Variants in LCLAT1 observed in about 807,000 individuals in gnomAD.
The protein encoded by LCLAT1 is lysocardiolipin acyltransferase 1, also known as 1-AGP acyltransferase 8.
LCLAT1 carries 11 observed loss-of-function variants against 30.7 expected under a neutral mutation model. The ratio of observed to expected loss-of-function variants is 0.36; its 90% CI spans 0.23 to 0.59. LCLAT1 has a LOEUF of 0.59. Ranked by LOEUF, LCLAT1 falls within the 20% of genes least tolerant of loss-of-function variation. LCLAT1 has a pLI of 0.77. For synonymous variants in LCLAT1, 155 were observed against 151.3 expected (o/e 1.02, Z -0.18); for missense variants, 402 against 458.6 (o/e 0.88, Z 1.13).
At chr2:30,624,806 C>A (rs1170462266) in intron 5 of LCLAT1, among the ~76,000 whole-genome samples, 4 of 152,116 alleles carry the variant, frequency 2.6e-5, no homozygotes, top group African/African-American at 9.7e-5. Context: ...CCAACAACTG[C>A]AGAATATACA....
chr2:30,499,239 G>GT (rs1480826772), intron 1 of LCLAT1, among the ~76,000 whole-genome samples: 5 of 152,276 alleles, frequency 3.3e-5, no homozygotes, highest in African/African-American at 1.2e-4. Flanking sequence ...GAGTGAAGTG[G>GT]TGCAGTCTCA....
In LCLAT1 at chr2:30,449,554, G is replaced by A. The variant is rs559147704; in HGVS notation, c.-5+2171G>A. On this transcript the variant is annotated intron_variant, in intron 1 of 5. Transcript: ENST00000379509. ...TCGCTCTTGTTGCCAGGGCTGGAGT[G>A]CAATGGCACGATCTCGGCTCACCAC... is the stretch of plus-strand genomic sequence containing the variant. 3.0e-3 allele frequency among the ~76,000 whole-genome samples: 456 copies of A among 150,910 alleles called. 2 individuals carry two copies. Among genetic ancestry groups the A allele is most frequent in the African/African-American group, 0.011 (444 of 40,978 alleles).
chr2:30,476,126 A>G (rs191271082), intron 1 of LCLAT1, among the ~76,000 whole-genome samples: 2 of 152,240 alleles, frequency 1.3e-5, no homozygotes, highest in Non-Finnish European at 2.9e-5. Context: ...TAATGCATCA[A>G]GAGGATGAAA....
At chr2:30,535,700 G>C (rs1313890798) in intron 3 of LCLAT1, among the ~76,000 whole-genome samples, 1 of 152,130 alleles carries the variant, frequency 6.6e-6, no homozygotes, top group East Asian at 1.9e-4. Context: ...ATTGGAAAAA[G>C]TGGCTGTTCC....
intron 3 of LCLAT1, among the ~76,000 whole-genome samples, chr2:30,558,287 G>C (rs980749877): frequency 6.6e-6 from 1 of 151,966 alleles, no homozygotes; most frequent in East Asian, 1.9e-4. Context: ...AAATCTGAAC[G>C]ACTAATTTGA....
chr2:30,556,863 G>A lies in LCLAT1; in HGVS notation c.365-5283G>A, dbSNP rs536270865. Reference sequence around the variant, plus strand: ...CGGGTTCAAGCGATCTCCTGCCTCAGCCTCCCAAATAGTTGGGATTACAGG... The same window carrying A: ...CGGGTTCAAGCGATCTCCTGCCTCAACCTCCCAAATAGTTGGGATTACAGG... On this transcript the variant is annotated intron_variant, in intron 3 of 5. Transcript: ENST00000379509. 4.0e-5 allele frequency among the ~76,000 whole-genome samples: 6 copies of A among 151,036 alleles called. No homozygotes were observed. In the South Asian group the frequency reaches 6.3e-4, roughly 16 times the overall value.
chr2:30,597,581 A>G (rs1411494761), intron 5 of LCLAT1, among the ~76,000 whole-genome samples: 2 of 152,188 alleles, frequency 1.3e-5, no homozygotes. Flanking sequence ...GGATCATGTC[A>G]TCTGCAAACA....
At chr2:30,448,753 A>G (rs1205223689) in intron 1 of LCLAT1, among the ~76,000 whole-genome samples, 1 of 152,218 alleles carries the variant, frequency 6.6e-6, no homozygotes, top group Non-Finnish European at 1.5e-5. Flanking sequence ...AGATTTGGTC[A>G]GTTTGTCCTG....
chr2:30,485,896 T>A (rs540553000), intron 1 of LCLAT1, among the ~76,000 whole-genome samples: 1 of 152,334 alleles, frequency 6.6e-6, no homozygotes, highest in Non-Finnish European at 1.5e-5. Flanking sequence ...GTCATATATG[T>A]TATATGTTTA....
chr2:30,623,071 T>G (rs1668341350), intron 5 of LCLAT1, among the ~76,000 whole-genome samples: 1 of 66,134 alleles, frequency 1.5e-5, no homozygotes, highest in Non-Finnish European at 3.1e-5. Context: ...TTTTTTTTTT[T>G]GAGACGGAGT....
intron 3 of LCLAT1, among the ~76,000 whole-genome samples, chr2:30,560,324 G>GTGTC (rs1236830882): frequency 7.6e-6 from 1 of 130,920 alleles, no homozygotes; most frequent in Admixed American, 7.6e-5. Flanking sequence ...GTGTGTGTGT[G>GTGTC]TATTATTTAT....
intron 5 of LCLAT1, among the ~76,000 whole-genome samples, chr2:30,586,354 AAG>A (rs1202946839): frequency 1.3e-5 from 2 of 151,798 alleles, no homozygotes; most frequent in Non-Finnish European, 2.9e-5. Flanking sequence ...GGCTTTGGGG[AAG>A]AGTCCTTCCT....
At chr2:30,527,240 T>C (rs1204022586) in intron 2 of LCLAT1, among the ~76,000 whole-genome samples, 1 of 152,212 alleles carries the variant, frequency 6.6e-6, no homozygotes, top group African/African-American at 2.4e-5. Flanking sequence ...TTTTAGTGTT[T>C]GTTTCATCAT....
chr2:30,610,469 T>C (rs759693278), intron 5 of LCLAT1, among the ~76,000 whole-genome samples: 6 of 152,168 alleles, frequency 3.9e-5, no homozygotes, highest in Non-Finnish European at 8.8e-5. Context: ...TTTATCCACT[T>C]GTGTATCAAG....
intron 5 of LCLAT1, chr2:30,606,298 G>T (rs1322006501): frequency 2.3e-5 from 7 of 306,380 alleles, no homozygotes; most frequent in Non-Finnish European, 4.4e-5. Flanking sequence ...TAAGCAAAAA[G>T]AACACAGCTG....
chr2:30,453,224 G>T (rs1232829735), intron 1 of LCLAT1, among the ~76,000 whole-genome samples: 1 of 152,142 alleles, frequency 6.6e-6, no homozygotes, highest in Non-Finnish European at 1.5e-5. Context: ...GTATCACAAA[G>T]AAAGGAAATG....
At chr2:30,559,736 A>G (rs1341038225) in intron 3 of LCLAT1, among the ~76,000 whole-genome samples, 1 of 152,166 alleles carries the variant, frequency 6.6e-6, no homozygotes, top group Non-Finnish European at 1.5e-5. Context: ...TAATCTCTTC[A>G]TCTCTTTCTA....
intron 5 of LCLAT1, among the ~76,000 whole-genome samples, chr2:30,639,673 TTTC>T (rs1471046539): frequency 6.6e-6 from 1 of 152,196 alleles, no homozygotes; most frequent in Non-Finnish European, 1.5e-5. Flanking sequence ...AAGTTAAGTT[TTTC>T]TTTTCAGTAG....
At chr2:30,587,348 C>T (rs1422262135) in intron 5 of LCLAT1, among the ~76,000 whole-genome samples, 2 of 151,886 alleles carry the variant, frequency 1.3e-5, no homozygotes, top group Admixed American at 6.6e-5. Context: ...GTTGAGACTG[C>T]GGGACGCAAC....
Sources: allele counts gnomAD v4.1 joint callset (sites outside exome capture counted in the v4.1 genomes callset), GRCh38; gene constraint gnomAD v4.1.1; transcripts MANE v1.5; gene names NCBI Gene and HGNC (gene_info 2026-07-23, HGNC 2026-07-21).